The following COBLL1 variants were observed in gnomAD, a reference collection of about 807,000 sequenced individuals.
The protein encoded by COBLL1 is cordon-bleu WH2 repeat protein like 1, also known as cordon-bleu protein-like 1.
A neutral mutation model predicts 94.8 loss-of-function variants in COBLL1; 50 were observed. The ratio of observed to expected loss-of-function variants is 0.53; its 90% CI spans 0.42 to 0.67. The LOEUF (loss-of-function observed/expected upper bound fraction) is 0.67, where lower values mean the gene tolerates loss of function less well. Among genes scored for constraint, COBLL1 ranks in the 30% least tolerant of loss-of-function variants. COBLL1 has a pLI of 0.00. For synonymous variants in COBLL1, 448 were observed against 473.8 expected, an observed-to-expected ratio of 0.95 and a Z score of 0.71; for missense variants, 1,362 against 1,348.7, an observed-to-expected ratio of 1.01 and a Z score of -0.15.
chr2:164,819,957 C>T (rs1374192597), intron 2 of COBLL1, among the ~76,000 whole-genome samples: 2 of 148,978 alleles, frequency 1.3e-5, no homozygotes, highest in South Asian at 2.1e-4. Flanking sequence ...TCCCAAGCAG[C>T]TGGAATTACA....
chr2:164,702,234 T>C (rs1386376411), intron 9 of COBLL1, among the ~76,000 whole-genome samples: 1 of 152,112 alleles, frequency 6.6e-6, no homozygotes, highest in Non-Finnish European at 1.5e-5. Flanking sequence ...TACGATAGCA[T>C]ATTGTATCTA....
intron 3 of COBLL1, among the ~76,000 whole-genome samples, chr2:164,733,636 G>A (rs1347597825): frequency 9.2e-5 from 14 of 152,182 alleles, no homozygotes; most frequent in Non-Finnish European, 4.4e-5. Flanking sequence ...TACTGCATAT[G>A]AATTGTTTCT....
intron 2 of COBLL1, among the ~76,000 whole-genome samples, chr2:164,831,960 T>C (rs1056040573): frequency 6.6e-6 from 1 of 152,184 alleles, no homozygotes; most frequent in South Asian, 2.1e-4. Context: ...GCACAGCCAA[T>C]CAGGTCTGGG....
chr2:164,804,616 G>T (rs980041550), intron 2 of COBLL1, among the ~76,000 whole-genome samples: 7 of 152,096 alleles, frequency 4.6e-5, no homozygotes, highest in Admixed American at 3.9e-4. Context: ...AAGGATAACT[G>T]TCAACTTTGC....
At chr2:164,784,446 T>C (rs1343243130) in intron 2 of COBLL1, among the ~76,000 whole-genome samples, 3 of 151,876 alleles carry the variant, frequency 2.0e-5, no homozygotes, top group African/African-American at 7.3e-5. Context: ...CCTTACACAC[T>C]GCTAAAGCAT....
chr2:164,811,370 C>T lies in COBLL1; in HGVS notation c.41+29786G>A, dbSNP rs1256479772. Among the ~76,000 whole-genome samples the T allele has an allele frequency of 2.0e-5, 3 of 149,774 alleles. No homozygotes were observed. The South Asian group carries it at 6.2e-4, about 31-fold the overall frequency. ...ACTGGCAGAACTATAGGTAATTTTA[C>T]CATACGCAAATTGTGCATTAATTAA... On this transcript the variant is annotated intron_variant, in intron 2 of 13. Transcript: ENST00000652658.
At chr2:164,818,309 T>C (rs568841150) in intron 2 of COBLL1, among the ~76,000 whole-genome samples, 1,722 of 150,112 alleles carry the variant, frequency 0.011, 125 homozygotes, top group Admixed American at 0.1. Context: ...TATGTATACA[T>C]ATACACGTGT....
chr2:164,700,988 T>C (rs1010272390), intron 9 of COBLL1, among the ~76,000 whole-genome samples: 8 of 152,206 alleles, frequency 5.3e-5, no homozygotes, highest in African/African-American at 1.9e-4. Flanking sequence ...GTTTTATTCA[T>C]GGTAGAGACA....
In COBLL1 at chr2:164,787,773, C is replaced by T. The variant is rs150991214; in HGVS notation, c.42-43898G>A. Reference sequence around the variant, plus strand: ...CCTTGGTCTTCCAGCTTATATGGCTCATAACATCCCAACTTGTATTTACTA... The same window carrying T: ...CCTTGGTCTTCCAGCTTATATGGCTTATAACATCCCAACTTGTATTTACTA... On this transcript the variant is annotated intron_variant, in intron 2 of 13. Coordinates refer to ENST00000652658, the MANE Select transcript of COBLL1 (RefSeq NM_001365672.2). Among the ~76,000 whole-genome samples, 105 of 152,292 alleles carry T rather than the reference C, an allele frequency of 6.9e-4. 1 individual carries two copies. The highest frequency in any genetic ancestry group is 8.2e-4 in the Non-Finnish European group (56 of 68,020).
chr2:164,726,463 G>T (rs888895808), intron 5 of COBLL1, among the ~76,000 whole-genome samples: 4 of 151,892 alleles, frequency 2.6e-5, no homozygotes, highest in Admixed American at 1.3e-4. Flanking sequence ...TTTTCTCTAT[G>T]AAAGGAATGT....
chr2:164,822,726 ATTATATTATATTAT>A (rs1275805266), intron 2 of COBLL1, among the ~76,000 whole-genome samples: 40 of 74,556 alleles, frequency 5.4e-4, no homozygotes, highest in African/African-American at 2.4e-3. Flanking sequence ...CTCTGAAAAG[ATTATATTATATTAT>A]TATTATTATT....
At chr2:164,826,213 T>C (rs6708934) in intron 2 of COBLL1, among the ~76,000 whole-genome samples, 35,854 of 152,142 alleles carry the variant, frequency 0.24, 4,549 homozygotes, top group African/African-American at 0.34. Flanking sequence ...CTAATCTCAG[T>C]GGGGGCATTT....
At chr2:164,810,014 T>C (rs577867515) in intron 2 of COBLL1, among the ~76,000 whole-genome samples, 2 of 151,880 alleles carry the variant, frequency 1.3e-5, no homozygotes, top group African/African-American at 2.4e-5. Context: ...AATTTTACTT[T>C]AGAAAAAATA....
At chr2:164,838,410 A>G (rs1175210023) in intron 2 of COBLL1, among the ~76,000 whole-genome samples, 1 of 152,266 alleles carries the variant, frequency 6.6e-6, no homozygotes, top group Non-Finnish European at 1.5e-5. Flanking sequence ...AGAATTAATA[A>G]AAGTGAAGAT....
chr2:164,832,581 C>T (rs1683125770), intron 2 of COBLL1, among the ~76,000 whole-genome samples: 2 of 152,158 alleles, frequency 1.3e-5, no homozygotes, highest in African/African-American at 2.4e-5. Flanking sequence ...GCTTCTGAAA[C>T]ACTTTGGCTA....
intron 2 of COBLL1, among the ~76,000 whole-genome samples, chr2:164,780,763 G>A (rs576530819): frequency 2.6e-4 from 40 of 152,286 alleles, no homozygotes; most frequent in African/African-American, 7.2e-4. Context: ...TGCTGCCGGA[G>A]TATCTGCCGG....
chr2:164,752,684 T>C (rs446315), intron 2 of COBLL1, among the ~76,000 whole-genome samples: 35,341 of 151,802 alleles, frequency 0.23, 4,788 homozygotes, highest in African/African-American at 0.37. Context: ...GCCATAAGCC[T>C]CAACATTTAA....
At chr2:164,714,305 C>A (rs1685054984) in intron 7 of COBLL1, among the ~76,000 whole-genome samples, 1 of 150,214 alleles carries the variant, frequency 6.7e-6, no homozygotes, top group South Asian at 2.1e-4. Flanking sequence ...TCATGATAAT[C>A]CTCTGCATAC....
intron 2 of COBLL1, among the ~76,000 whole-genome samples, chr2:164,816,491 G>C (rs1309047767): frequency 3.9e-5 from 6 of 152,116 alleles, no homozygotes; most frequent in Non-Finnish European, 8.8e-5. Context: ...CCGGTAGTTT[G>C]GAAATAACCC....
Sources: allele counts gnomAD v4.1 joint callset (sites outside exome capture counted in the v4.1 genomes callset), GRCh38; gene constraint gnomAD v4.1.1; transcripts MANE v1.5; gene names NCBI Gene and HGNC (gene_info 2026-07-23, HGNC 2026-07-21).